Variants in ITFG1 observed in about 807,000 individuals in gnomAD.
ITFG1 encodes integrin alpha FG-GAP repeat containing 1.
ITFG1 carries 34 observed loss-of-function variants against 81.8 expected under a neutral mutation model. The ratio of observed to expected loss-of-function variants is 0.42; its 90% CI spans 0.32 to 0.55. ITFG1 has a LOEUF of 0.55. Ranked by LOEUF, ITFG1 falls within the 20% of genes least tolerant of loss-of-function variation. The pLI is 0.17. For synonymous variants in ITFG1, 285 were observed against 270.6 expected (o/e 1.05, Z -0.52); for missense variants, 672 against 755.4 (o/e 0.89, Z 1.29).
intron 6 of ITFG1, among the ~76,000 whole-genome samples, chr16:47,399,821 G>A (rs550458036): frequency 8.5e-5 from 13 of 152,216 alleles, no homozygotes; most frequent in Admixed American, 1.3e-4. Context: ...AACATGCCTC[G>A]TATCTTAGGC....
At chr16:47,435,332 C>T (rs900088101) in intron 5 of ITFG1, among the ~76,000 whole-genome samples, 21 of 152,216 alleles carry the variant, frequency 1.4e-4, no homozygotes, top group African/African-American at 4.3e-4. Context: ...TAAGGTCACA[C>T]ATAAAAACTG....
intron 8 of ITFG1, among the ~76,000 whole-genome samples, chr16:47,328,651 G>A (rs1967595747): frequency 6.6e-6 from 1 of 152,028 alleles, no homozygotes. Context: ...ACCAAGCAGA[G>A]TGATACTTAA....
intron 5 of ITFG1, among the ~76,000 whole-genome samples, chr16:47,435,310 C>A (rs540379933): frequency 1.3e-5 from 2 of 152,190 alleles, no homozygotes; most frequent in South Asian, 4.1e-4. Flanking sequence ...GTGCCCAACT[C>A]CATTTGAAGG....
intron 14 of ITFG1, among the ~76,000 whole-genome samples, chr16:47,191,317 G>C (rs1223944456): frequency 6.6e-6 from 1 of 151,794 alleles, no homozygotes; most frequent in Admixed American, 6.6e-5. Context: ...CCCACTGCCC[G>C]CAGGCCACAT....
At chr16:47,365,738 G>A in intron 8 of ITFG1, 50 bp downstream of exon 8, 4 of 1,052,722 alleles carry the variant, frequency 3.8e-6, no homozygotes, top group Middle Eastern at 4.2e-4. Context: ...GAAAGAAGGA[G>A]AGAATTGGAA....
At chr16:47,279,157 CCTTT>C (rs1394641867) in intron 10 of ITFG1, among the ~76,000 whole-genome samples, 11 of 152,076 alleles carry the variant, frequency 7.2e-5, no homozygotes, top group Middle Eastern at 3.2e-3. Context: ...AACTTATCAG[CCTTT>C]CTCTTTCGTT....
chr16:47,381,704 T>C (rs1372427556), intron 6 of ITFG1, among the ~76,000 whole-genome samples: 1 of 152,198 alleles, frequency 6.6e-6, no homozygotes, highest in Non-Finnish European at 1.5e-5. Flanking sequence ...TAAAAATATC[T>C]TTAAAATAAA....
chr16:47,378,032 T>A (rs1260576622), intron 6 of ITFG1, among the ~76,000 whole-genome samples: 1 of 152,238 alleles, frequency 6.6e-6, no homozygotes, highest in African/African-American at 2.4e-5. Flanking sequence ...ACTACTGTAC[T>A]AAGTATGTTT....
chr16:47,258,803 C>T, intron 11 of ITFG1, 63 bp from the exon 12 acceptor site: 1 of 633,290 alleles, frequency 1.6e-6, no homozygotes, highest in Non-Finnish European at 2.6e-6. Flanking sequence ...AAAAAATGAC[C>T]ATTAAAATGC....
rs140662595 is a variant in ITFG1 at position 47,319,580 on chromosome 16, T to A, written c.803-5757A>T. On this transcript the variant is annotated intron_variant, in intron 8 of 17. Coordinates refer to ENST00000320640, the MANE Select transcript of ITFG1 (RefSeq NM_030790.5). ...TCCAACACAGACTATTATAAAGCTG[T>A]ATACTCAAGGGTTGAGACTTACTAA... Among the ~76,000 whole-genome samples the A allele has an allele frequency of 5.8e-3, 879 of 152,354 alleles. 8 individuals are homozygous for A. The highest frequency in any genetic ancestry group is 0.02 in the African/African-American group (837 of 41,602).
In ITFG1 at chr16:47,258,763, G is replaced by A. The variant is rs531718974; in HGVS notation, c.1222-23C>T. On this transcript the variant is annotated intron_variant, in intron 11 of 17. Coordinates refer to ENST00000320640, the MANE Select transcript of ITFG1 (RefSeq NM_030790.5). ...TCCCTGGAAAAAAACAAACAAAAAT[G>A]GTAAGAACAAACTATTAGACCAACT... The A allele has an allele frequency of 2.7e-5, 31 of 1,153,522 alleles. 1 individual carries two copies. The highest frequency in any genetic ancestry group is 2.2e-4 in the African/African-American group (14 of 62,448). The allele number at this position is 1,153,522 out of a possible 1,614,324, so 71.5% of individuals were successfully genotyped here.
chr16:47,387,591 AAGGC>A (rs1968478401), intron 6 of ITFG1, among the ~76,000 whole-genome samples: 2 of 152,080 alleles, frequency 1.3e-5, no homozygotes, highest in South Asian at 4.1e-4. Context: ...ATAACCTTCC[AAGGC>A]AGTCTCCTGT....
At chr16:47,320,270 C>A (rs1967428660) in intron 8 of ITFG1, among the ~76,000 whole-genome samples, 1 of 152,092 alleles carries the variant, frequency 6.6e-6, no homozygotes, top group African/African-American at 2.4e-5. Flanking sequence ...TTGTAGCAGC[C>A]CTTTCAAAAT....
At chr16:47,424,399 T>C (rs1413858403) in intron 6 of ITFG1, among the ~76,000 whole-genome samples, 3 of 152,210 alleles carry the variant, frequency 2.0e-5, no homozygotes, top group Non-Finnish European at 4.4e-5. Context: ...TTGGAGAAGT[T>C]TGCTATTAAC....
At chr16:47,284,730 T>C (rs1052790727) in intron 10 of ITFG1, among the ~76,000 whole-genome samples, 4 of 152,198 alleles carry the variant, frequency 2.6e-5, no homozygotes, top group Admixed American at 2.0e-4. Context: ...TTGAAATGTA[T>C]CTTTAAAAAA....
intron 12 of ITFG1, among the ~76,000 whole-genome samples, chr16:47,244,960 CTG>C (rs1393521417): frequency 1.3e-5 from 2 of 152,094 alleles, no homozygotes; most frequent in Admixed American, 1.3e-4. Flanking sequence ...GCTTCTAAAA[CTG>C]TGAGAAATAA....
intron 6 of ITFG1, among the ~76,000 whole-genome samples, chr16:47,380,568 G>A (rs1016082300): frequency 4.6e-5 from 7 of 152,180 alleles, no homozygotes; most frequent in African/African-American, 1.7e-4. Context: ...GTGTGCATGA[G>A]ACTAAGTTCT....
chr16:47,394,902 A>C (rs1006675562), intron 6 of ITFG1, among the ~76,000 whole-genome samples: 3 of 152,160 alleles, frequency 2.0e-5, no homozygotes, highest in African/African-American at 7.2e-5. Flanking sequence ...CATTTATGAA[A>C]AAAATTAGTT....
chr16:47,460,267 T>C (rs1969512264), intron 1 of ITFG1, among the ~76,000 whole-genome samples: 2 of 152,184 alleles, frequency 1.3e-5, no homozygotes, highest in South Asian at 4.1e-4. Context: ...AATGCTTGTG[T>C]GAGCTGTTTA....
Sources: allele counts gnomAD v4.1 joint callset (sites outside exome capture counted in the v4.1 genomes callset), GRCh38; gene constraint gnomAD v4.1.1; transcripts MANE v1.5; gene names NCBI Gene and HGNC (gene_info 2026-07-23, HGNC 2026-07-21).